The following NEK10 variants were observed in gnomAD, a reference collection of about 807,000 sequenced individuals.
NEK10 encodes NIMA related kinase 10.
A neutral mutation model predicts 159.8 loss-of-function variants in NEK10; 122 were observed. The observed-to-expected ratio is 0.76, with a 90% CI of 0.66 to 0.89. The LOEUF is 0.89. NEK10 is among the 40% of genes least tolerant of loss of function. NEK10 has a pLI of 0.00. For synonymous variants in NEK10, 466 were observed against 457.1 expected (o/e 1.02, Z -0.25); for missense variants, 1,342 against 1,323.1 (o/e 1.01, Z -0.22).
intron 23 of NEK10, among the ~76,000 whole-genome samples, chr3:27,225,009 C>T (rs756838872): frequency 2.0e-5 from 3 of 152,118 alleles, no homozygotes; most frequent in Non-Finnish European, 4.4e-5. Flanking sequence ...ATAATGGAAT[C>T]GATATGTATA....
intron 5 of NEK10, among the ~76,000 whole-genome samples, chr3:27,340,264 A>G (rs569210707): frequency 3.3e-5 from 5 of 152,192 alleles, no homozygotes; most frequent in African/African-American, 1.2e-4. Flanking sequence ...GGAACAGAAA[A>G]CCAAACACCG....
intron 26 of NEK10, 31 bp downstream of exon 26, chr3:27,191,998 A>G: frequency 6.3e-7 from 1 of 1,593,686 alleles, no homozygotes; most frequent in Non-Finnish European, 8.6e-7. Flanking sequence ...ATTAGAGTGC[A>G]TCATGAACCG....
intron 23 of NEK10, among the ~76,000 whole-genome samples, chr3:27,223,739 A>G (rs1309045595): frequency 6.6e-6 from 1 of 152,140 alleles, no homozygotes; most frequent in Non-Finnish European, 1.5e-5. Flanking sequence ...AGTTTCACAC[A>G]GATGCTGATG....
chr3:27,247,800 ATTTTCTTTTC>A (rs1264925682), intron 23 of NEK10, among the ~76,000 whole-genome samples: 7 of 121,900 alleles, frequency 5.7e-5, no homozygotes, highest in South Asian at 5.3e-4. Context: ...TTTTCTTTTA[ATTTTCTTTTC>A]TTTTCTTTTC....
intron 5 of NEK10, among the ~76,000 whole-genome samples, chr3:27,326,875 G>A (rs901782543): frequency 2.6e-5 from 4 of 152,156 alleles, no homozygotes; most frequent in Non-Finnish European, 4.4e-5. Context: ...CTGCAAGGAC[G>A]GAGCACATGG....
intron 26 of NEK10, among the ~76,000 whole-genome samples, chr3:27,182,693 C>T (rs1948241194): frequency 6.6e-6 from 1 of 151,932 alleles, no homozygotes. Flanking sequence ...TGGAATCAAC[C>T]TAAGTACCCA....
At chr3:27,215,138 T>C in intron 23 of NEK10, 1 of 361,938 alleles carries the variant, frequency 2.8e-6, no homozygotes, top group Non-Finnish European at 5.2e-6. Context: ...TAGTTTCGGC[T>C]CTTAACACCA....
At chr3:27,215,881 CT>C (rs1190747775) in intron 23 of NEK10, 1 of 710,014 alleles carries the variant, frequency 1.4e-6, no homozygotes, top group Admixed American at 2.0e-5. Context: ...GTGCTGCACA[CT>C]TTAAACAACC....
intron 26 of NEK10, among the ~76,000 whole-genome samples, chr3:27,182,100 TG>T (rs2148922661): frequency 6.6e-6 from 1 of 152,230 alleles, no homozygotes; most frequent in African/African-American, 2.4e-5. Flanking sequence ...TTCGGTGAGA[TG>T]GGAGGATAAG....
intron 32 of NEK10, among the ~76,000 whole-genome samples, chr3:27,121,359 C>T (rs1010940137): frequency 2.0e-5 from 3 of 152,196 alleles, no homozygotes; most frequent in African/African-American, 7.2e-5. Flanking sequence ...TAGAAATTTT[C>T]ATCATCGGTG....
At chr3:27,132,503 T>C (rs962224997) in intron 31 of NEK10, among the ~76,000 whole-genome samples, 2 of 152,112 alleles carry the variant, frequency 1.3e-5, no homozygotes, top group African/African-American at 2.4e-5. Context: ...CAGATTTAGG[T>C]ACCAATCATT....
intron 3 of NEK10, among the ~76,000 whole-genome samples, chr3:27,350,326 A>C (rs2047879386): frequency 6.6e-6 from 1 of 152,024 alleles, no homozygotes; most frequent in Non-Finnish European, 1.5e-5. Context: ...AACCTATCAC[A>C]CTTTCTGTCT....
intron 26 of NEK10, among the ~76,000 whole-genome samples, chr3:27,190,820 T>C (rs1949044947): frequency 6.6e-6 from 1 of 152,218 alleles, no homozygotes; most frequent in Admixed American, 6.5e-5. Flanking sequence ...GTTGCCTAGT[T>C]ATTATGAAGT....
intron 30 of NEK10, among the ~76,000 whole-genome samples, chr3:27,145,554 C>G (rs1210312664): frequency 6.6e-6 from 1 of 152,176 alleles, no homozygotes; most frequent in Non-Finnish European, 1.5e-5. Context: ...TTTGTTTCCC[C>G]TTTGCAGTGT....
intron 29 of NEK10, among the ~76,000 whole-genome samples, chr3:27,171,394 C>G (rs1350624529): frequency 6.6e-6 from 1 of 152,164 alleles, no homozygotes; most frequent in Non-Finnish European, 1.5e-5. Flanking sequence ...GGTGTCTCTA[C>G]TTCCCCTTTC....
In NEK10 at chr3:27,141,602, T is replaced by C. The variant is rs1278556508; in HGVS notation, c.2870-20A>G. On this transcript the variant is annotated intron_variant, in intron 30 of 35. Transcript: ENST00000691995. Reference sequence around the variant, plus strand: ...CTGATGCTGTGGGTGATAAATTTTGTAGTTAGTCAAGTTCTCTTTCAAAAG... The same window carrying C: ...CTGATGCTGTGGGTGATAAATTTTGCAGTTAGTCAAGTTCTCTTTCAAAAG... 5 of 1,581,718 alleles carry C rather than the reference T, an allele frequency of 3.2e-6. No individual in the cohort carries two copies. Among genetic ancestry groups the C allele is most frequent in the Non-Finnish European group, 3.5e-6 (4 of 1,157,180 alleles).
At chr3:27,203,186 A>G (rs1380566646) in intron 23 of NEK10, among the ~76,000 whole-genome samples, 1 of 152,186 alleles carries the variant, frequency 6.6e-6, no homozygotes, top group African/African-American at 2.4e-5. Context: ...AGGGTGCAGG[A>G]GAACTAGCCT....
At chr3:27,175,972 A>G (rs1947466228) in intron 26 of NEK10, among the ~76,000 whole-genome samples, 1 of 151,984 alleles carries the variant, frequency 6.6e-6, no homozygotes, top group South Asian at 2.1e-4. Flanking sequence ...TGTGTTTTTT[A>G]TTTTTTTCCT....
At chr3:27,149,455 A>T (rs1458313467) in intron 30 of NEK10, among the ~76,000 whole-genome samples, 2 of 152,168 alleles carry the variant, frequency 1.3e-5, no homozygotes, top group African/African-American at 2.4e-5. Context: ...CATTTACTTC[A>T]TGCCTCTGTG....
Sources: allele counts gnomAD v4.1 joint callset (sites outside exome capture counted in the v4.1 genomes callset), GRCh38; gene constraint gnomAD v4.1.1; transcripts MANE v1.5; gene names NCBI Gene and HGNC (gene_info 2026-07-23, HGNC 2026-07-21).